The following TRAK2 variants were observed in gnomAD, a reference collection of about 807,000 sequenced individuals.
The protein encoded by TRAK2 is trafficking kinesin protein 2.
Under a neutral mutation model 104.6 loss-of-function variants are expected in TRAK2, and 81 were observed. The observed-to-expected ratio is 0.77, with a 90% CI of 0.65 to 0.93. TRAK2 has a LOEUF of 0.93. Ranked by LOEUF, TRAK2 falls within the 40% of genes least tolerant of loss-of-function variation. TRAK2 has a pLI of 0.00. For missense variants in TRAK2, 1,002 were observed against 1,089.0 expected (o/e 0.92, Z 1.12); for synonymous variants, 406 against 394.4 (o/e 1.03, Z -0.35).
chr2:201,397,991 G>C, intron 6 of TRAK2, 154 bp downstream of exon 6: 1 of 689,460 alleles, frequency 1.5e-6, no homozygotes, highest in Non-Finnish European at 2.5e-6. Flanking sequence ...TAAGAACAGT[G>C]GAAGGCAAGA....
At chr2:201,412,458 C>T in intron 2 of TRAK2, 9 of 1,151,128 alleles carry the variant, frequency 7.8e-6, no homozygotes, top group South Asian at 3.7e-5. Context: ...CTAAATAACT[C>T]AACTGATCCA....
At chr2:201,402,551 AAACT>A (rs1951558586) in intron 3 of TRAK2, among the ~76,000 whole-genome samples, 1 of 152,150 alleles carries the variant, frequency 6.6e-6, no homozygotes, top group Non-Finnish European at 1.5e-5. Flanking sequence ...ACAAATAGAG[AAACT>A]AACAATGATT....
rs1406237414 is a variant in TRAK2, at chr2:201,380,579, T to C, written c.2709A>G (p.Thr903=). ...TCAGGACACCCATTTTGGGTGAGGATGTGCAAACTGGGGCAGCAAAGCTAC... is the reference window on the plus strand; with the variant it reads ...TCAGGACACCCATTTTGGGTGAGGACGTGCAAACTGGGGCAGCAAAGCTAC... ...IMGSFAAPVC[T]SSPKMGVLKE... The change falls in exon 16 of 16, where the codon ACA becomes ACG. Residue 903 remains threonine (T), a synonymous_variant. Transcript: ENST00000332624. 1 of 1,613,954 alleles carries C rather than the reference T, an allele frequency of 6.2e-7. No individual in the cohort carries two copies. Among genetic ancestry groups the C allele is most frequent in the Non-Finnish European group, 8.5e-7 (1 of 1,179,930 alleles).
chr2:201,435,232 T>A (rs1320524003), intron 1 of TRAK2, among the ~76,000 whole-genome samples: 1 of 152,178 alleles, frequency 6.6e-6, no homozygotes, highest in Non-Finnish European at 1.5e-5. Flanking sequence ...AATTTTTGTA[T>A]GTCTTTGTAG....
chr2:201,402,774 T>C (rs781212657), intron 3 of TRAK2, among the ~76,000 whole-genome samples: 1 of 152,150 alleles, frequency 6.6e-6, no homozygotes, highest in Non-Finnish European at 1.5e-5. Context: ...AACCAGACAA[T>C]GGTTGTAAAC....
intron 10 of TRAK2, among the ~76,000 whole-genome samples, chr2:201,390,752 C>T (rs1951440267): frequency 1.3e-5 from 2 of 151,482 alleles, no homozygotes; most frequent in Admixed American, 1.3e-4. Context: ...TTAACGATTG[C>T]TTTTTGCTTT....
chr2:201,411,549 A>G, intron 2 of TRAK2: 2 of 754,322 alleles, frequency 2.7e-6, no homozygotes, highest in Non-Finnish European at 5.0e-6. Flanking sequence ...CATCTCTTTT[A>G]TGATGGAAAT....
At chr2:201,449,111 T>C (rs1428046461) in intron 1 of TRAK2, among the ~76,000 whole-genome samples, 1 of 151,368 alleles carries the variant, frequency 6.6e-6, no homozygotes, top group East Asian at 1.9e-4. Context: ...CGGGTCTTAC[T>C]GAGCAGTTCA....
At chr2:201,439,398 T>G (rs997842038) in intron 1 of TRAK2, among the ~76,000 whole-genome samples, 3 of 152,168 alleles carry the variant, frequency 2.0e-5, no homozygotes, top group East Asian at 1.9e-4. Context: ...CTTTTTTTTT[T>G]TGTGGTTTTC....
At chr2:201,412,391 A>G in intron 2 of TRAK2, 1 of 1,333,886 alleles carries the variant, frequency 7.5e-7, no homozygotes, top group Admixed American at 1.7e-5. Context: ...GTTACATTTA[A>G]CAGTAGCCTT....
At chr2:201,393,564 T>A (rs1414888009) in intron 9 of TRAK2, among the ~76,000 whole-genome samples, 1 of 152,116 alleles carries the variant, frequency 6.6e-6, no homozygotes. Context: ...AGTACATAAT[T>A]TTCAGAGTAT....
At chr2:201,433,413 A>C (rs1408907240) in intron 1 of TRAK2, 1 of 152,218 alleles carries the variant, frequency 6.6e-6, no homozygotes, top group Non-Finnish European at 1.5e-5. Flanking sequence ...ATTTGACTTA[A>C]AGATAAGTAG....
chr2:201,429,931 T>C (rs564353913), intron 1 of TRAK2, among the ~76,000 whole-genome samples: 4 of 152,336 alleles, frequency 2.6e-5, no homozygotes, highest in South Asian at 2.1e-4. Flanking sequence ...TTTTGGAATT[T>C]TCAGCTTTTT....
chr2:201,418,871 TAACTC>T (rs1352448034), intron 2 of TRAK2, among the ~76,000 whole-genome samples: 1 of 152,138 alleles, frequency 6.6e-6, no homozygotes, highest in Non-Finnish European at 1.5e-5. Flanking sequence ...CAAAAACTGA[TAACTC>T]CATCAAAATT....
At chr2:201,428,938 T>C (rs1951816574) in intron 1 of TRAK2, among the ~76,000 whole-genome samples, 1 of 152,342 alleles carries the variant, frequency 6.6e-6, no homozygotes, top group East Asian at 1.9e-4. Context: ...CAATTGTGAA[T>C]GGGAGTTCAC....
At chr2:201,430,605 C>T (rs1166878997) in intron 1 of TRAK2, among the ~76,000 whole-genome samples, 1 of 152,214 alleles carries the variant, frequency 6.6e-6, no homozygotes, top group Non-Finnish European at 1.5e-5. Context: ...ACCAAGGCTC[C>T]GTGGGCATGG....
chr2:201,438,822 T>A (rs976298225), intron 1 of TRAK2, among the ~76,000 whole-genome samples: 29 of 152,346 alleles, frequency 1.9e-4, no homozygotes, highest in Non-Finnish European at 3.1e-4. Flanking sequence ...TTGGGTGTAT[T>A]TACAGTGAGG....
In TRAK2 at chr2:201,399,487, G is replaced by C. The variant is rs1951530929; in HGVS notation, c.370C>G (p.Arg124Gly). 6.2e-7 allele frequency: 1 copy of C among 1,610,908 alleles called. No individual in the cohort carries two copies. Among genetic ancestry groups the C allele is most frequent in the Non-Finnish European group, 8.5e-7 (1 of 1,177,630 alleles). ...ATTCGAGCAGCGAGTTCCAGATCAC[G>C]ATCCCTCTGTTAAAATACCAAATAC... Reference protein sequence around the residue: ...MVTHLLAERDRDLELAARIGQ... With the variant: ...MVTHLLAERDGDLELAARIGQ... The change falls in exon 5 of 16, where the codon CGT becomes GGT. Residue 124 changes from arginine to glycine, a missense_variant. Coordinates refer to ENST00000332624, the MANE Select transcript of TRAK2 (RefSeq NM_015049.3).
chr2:201,379,826 G>A lies in TRAK2; in HGVS notation c.*717C>T, dbSNP rs1423838013. On this transcript the variant is annotated 3_prime_UTR_variant, in exon 16 of 16. Transcript: ENST00000332624. Reference sequence around the variant, plus strand: ...CCTCTACCCAGTTGTTTTTTTTTTTGGAGGTTGTATAAAAATACAAATTTA... The same window carrying A: ...CCTCTACCCAGTTGTTTTTTTTTTTAGAGGTTGTATAAAAATACAAATTTA... 1 of 142,230 alleles carries A rather than the reference G, an allele frequency of 7.0e-6. No individual in the cohort carries two copies. Among genetic ancestry groups the A allele is most frequent in the Non-Finnish European group, 1.5e-5 (1 of 65,530 alleles). 8.8% of individuals were successfully genotyped at this position (142,230 alleles called of 1,614,324 possible). A position where few individuals can be genotyped will look rare whatever the true frequency, so the allele number is the denominator to read the frequency against.
Sources: allele counts gnomAD v4.1 joint callset (sites outside exome capture counted in the v4.1 genomes callset), GRCh38; gene constraint gnomAD v4.1.1; transcripts MANE v1.5; gene names NCBI Gene and HGNC (gene_info 2026-07-23, HGNC 2026-07-21).